ARID2: variants seen among roughly 807,000 people sequenced by gnomAD.
The protein encoded by ARID2 is AT-rich interactive domain-containing protein 2.
A neutral mutation model predicts 184.6 loss-of-function variants in ARID2; 32 were observed. The ratio of observed to expected loss-of-function variants is 0.17; its 90% confidence interval spans 0.13 to 0.23. The LOEUF (loss-of-function observed/expected upper bound fraction) is 0.23, where lower values mean the gene tolerates loss of function less well. Ranked by LOEUF, ARID2 falls within the 10% of genes least tolerant of loss-of-function variation. The pLI is 1.00. For synonymous variants in ARID2, 836 were observed against 772.6 expected, an observed-to-expected ratio of 1.08 and a Z score of -1.36; for missense variants, 1,696 against 2,197.6, an observed-to-expected ratio of 0.77 and a Z score of 4.56.
At chr12:45,730,525 C>G (rs1314795758) in intron 2 of ARID2, among the ~76,000 whole-genome samples, 1 of 151,958 alleles carries the variant, frequency 6.6e-6, no homozygotes, top group African/African-American at 2.4e-5. Flanking sequence ...CGCTGCCGCT[C>G]TAGCACAGGC....
chr12:45,843,009 G>A (rs1487010000), intron 11 of ARID2, among the ~76,000 whole-genome samples: 1 of 151,988 alleles, frequency 6.6e-6, no homozygotes, highest in African/African-American at 2.4e-5. Context: ...TTGAACTTCA[G>A]AATTATCCAA....
rs1942831424 is a variant in ARID2, at chr12:45,817,732, T to C, written c.481T>C (p.Leu161=). 6.2e-7 allele frequency: 1 copy of C among 1,613,024 alleles called. No individual in the cohort carries two copies. The highest frequency in any genetic ancestry group is 8.5e-7 in the Non-Finnish European group (1 of 1,179,810). Residue 161 remains leucine (L), a synonymous_variant, in exon 5 of 21, where the codon TTG becomes CTG. Coordinates refer to ENST00000334344, the MANE Select transcript of ARID2 (RefSeq NM_152641.4). ...TAATTCGCCAAATGATTATAATAAATTGGTGCTTTCACTGTTATCTGGACT... is the reference window on the plus strand; with the variant it reads ...TAATTCGCCAAATGATTATAATAAACTGGTGCTTTCACTGTTATCTGGACT... ...DFNSPNDYNK[L]VLSLLSGLPN... is the part of the protein sequence containing the mutation.
At chr12:45,806,426 A>G (rs553082575) in intron 3 of ARID2, among the ~76,000 whole-genome samples, 72 of 152,108 alleles carry the variant, frequency 4.7e-4, no homozygotes, top group Non-Finnish European at 6.3e-4. Context: ...TATTACATCA[A>G]TGATTATTGC....
chr12:45,819,584 A>G (rs1211680383), intron 5 of ARID2, among the ~76,000 whole-genome samples: 1 of 152,194 alleles, frequency 6.6e-6, no homozygotes, highest in Non-Finnish European at 1.5e-5. Flanking sequence ...TATAGATGCC[A>G]CTTCTTTTAG....
intron 15 of ARID2, 53 bp downstream of exon 15, chr12:45,852,949 C>T (rs1943584334): frequency 1.4e-6 from 2 of 1,474,268 alleles, no homozygotes; most frequent in Admixed American, 2.5e-5. Context: ...TCTGTAAATA[C>T]AATTTTAGAG....
chr12:45,868,327 G>A (rs1943863617), intron 16 of ARID2, among the ~76,000 whole-genome samples: 1 of 152,172 alleles, frequency 6.6e-6, no homozygotes, highest in South Asian at 2.1e-4. Flanking sequence ...TGTAATCCCA[G>A]CTACTTGGGT....
intron 3 of ARID2, among the ~76,000 whole-genome samples, chr12:45,739,981 G>C (rs539747395): frequency 6.6e-6 from 1 of 152,258 alleles, no homozygotes; most frequent in Admixed American, 6.5e-5. Flanking sequence ...TTTGCAATAC[G>C]CTTGAGCTCA....
In ARID2 at chr12:45,808,567, A is replaced by G. The variant is rs148591144; in HGVS notation, c.285-2851A>G. Among the ~76,000 whole-genome samples the G allele has an allele frequency of 5.5e-3, 831 of 152,284 alleles. 6 individuals are homozygous for G. Among genetic ancestry groups the G allele is most frequent in the African/African-American group, 0.019 (792 of 41,558 alleles). On this transcript the variant is annotated intron_variant, in intron 3 of 20. Transcript: ENST00000334344. ...AACTTTGAATTATATGGGGTTTTAT[A>G]TATATAATATATATGGTTTATTATG...
chr12:45,807,260 T>A (rs990322758), intron 3 of ARID2, among the ~76,000 whole-genome samples: 2 of 152,242 alleles, frequency 1.3e-5, no homozygotes, highest in Admixed American at 6.5e-5. Context: ...GTCCTTGCCC[T>A]ATCATCTTTT....
At chr12:45,892,699 G>A (rs541676854) in intron 18 of ARID2, among the ~76,000 whole-genome samples, 4 of 152,094 alleles carry the variant, frequency 2.6e-5, no homozygotes, top group East Asian at 3.9e-4. Context: ...CCTCATATAC[G>A]AGTCAGCATC....
chr12:45,815,880 T>C (rs1942795630), intron 4 of ARID2, among the ~76,000 whole-genome samples: 1 of 152,160 alleles, frequency 6.6e-6, no homozygotes, highest in Non-Finnish European at 1.5e-5. Flanking sequence ...AGGCTGGTCT[T>C]GAACTCCTGG....
At chr12:45,877,214 C>T (rs1159179627) in intron 16 of ARID2, among the ~76,000 whole-genome samples, 1 of 152,054 alleles carries the variant, frequency 6.6e-6, no homozygotes, top group Non-Finnish European at 1.5e-5. Flanking sequence ...GGCTGCACAG[C>T]AGGAGGTGAG....
At chr12:45,899,000 G>A (rs562165127) in intron 20 of ARID2, among the ~76,000 whole-genome samples, 4 of 151,914 alleles carry the variant, frequency 2.6e-5, no homozygotes, top group South Asian at 2.1e-4. Context: ...AAGGCGGGGC[G>A]TGGTGGCTCA....
chr12:45,761,379 T>C (rs1941675834), intron 3 of ARID2, among the ~76,000 whole-genome samples: 1 of 152,250 alleles, frequency 6.6e-6, no homozygotes, highest in Admixed American at 6.5e-5. Context: ...GATTACATTT[T>C]TCAAATGTTC....
At chr12:45,856,446 T>G (rs940373186) in intron 15 of ARID2, among the ~76,000 whole-genome samples, 2 of 152,234 alleles carry the variant, frequency 1.3e-5, no homozygotes, top group Admixed American at 6.5e-5. Context: ...AATTGGTAGC[T>G]TAAAGGAGTA....
At chr12:45,900,271 G>A (rs1307340422) in intron 20 of ARID2, among the ~76,000 whole-genome samples, 2 of 152,080 alleles carry the variant, frequency 1.3e-5, no homozygotes, top group Non-Finnish European at 2.9e-5. Flanking sequence ...ATGTGGGCCA[G>A]GCTGGTCCTC....
At chr12:45,827,489 G>A (rs1201173887) in intron 6 of ARID2, among the ~76,000 whole-genome samples, 1 of 151,964 alleles carries the variant, frequency 6.6e-6, no homozygotes, top group African/African-American at 2.4e-5. Flanking sequence ...GGAAAACAAG[G>A]TCTCCCCTCT....
chr12:45,845,223 G>C (rs189716998), intron 11 of ARID2, among the ~76,000 whole-genome samples: 2 of 152,238 alleles, frequency 1.3e-5, no homozygotes, highest in African/African-American at 4.8e-5. Flanking sequence ...AGTCTAAGTA[G>C]GGTATGCTCT....
chr12:45,878,927 CTGTAG>C (rs540825994), intron 16 of ARID2, among the ~76,000 whole-genome samples: 5 of 152,212 alleles, frequency 3.3e-5, no homozygotes, highest in Admixed American at 3.3e-4. Flanking sequence ...TTTGCTGTAG[CTGTAG>C]GTGTCAGAAG....
Sources: allele counts gnomAD v4.1 joint callset (sites outside exome capture counted in the v4.1 genomes callset), GRCh38; gene constraint gnomAD v4.1.1; transcripts MANE v1.5; gene names NCBI Gene and HGNC (gene_info 2026-07-23, HGNC 2026-07-21).